Variants in SRGAP3 observed in about 807,000 individuals in gnomAD.
SRGAP3 encodes the protein SLIT-ROBO Rho GTPase-activating protein 3.
A neutral mutation model predicts 121.1 loss-of-function variants in SRGAP3; 39 were observed. That is an observed-to-expected ratio of 0.32 (90% CI 0.25 to 0.42). The LOEUF is 0.42. Among genes scored for constraint, SRGAP3 ranks in the 10% least tolerant of loss-of-function variants. SRGAP3 has a pLI of 1.00. For missense variants in SRGAP3, 1,213 were observed against 1,470.6 expected (o/e 0.82, Z 2.86); for synonymous variants, 601 against 570.0 (o/e 1.05, Z -0.77).
intron 3 of SRGAP3, chr3:9,257,007 GC>G: frequency 2.5e-6 from 1 of 396,552 alleles, no homozygotes; most frequent in African/African-American, 2.1e-5. Flanking sequence ...CCCAGTAAGT[GC>G]CACATAAGCA....
chr3:9,060,909 G>T (rs564922952), intron 5 of SRGAP3, among the ~76,000 whole-genome samples: 1 of 152,320 alleles, frequency 6.6e-6, no homozygotes, highest in East Asian at 1.9e-4. Context: ...TAGATGAGCA[G>T]CAGCCTCTGA....
intron 7 of SRGAP3, 138 bp from the exon 8 acceptor site, chr3:9,056,472 G>T (rs1945827892): frequency 3.4e-6 from 3 of 872,124 alleles, no homozygotes; most frequent in Non-Finnish European, 5.4e-6. Context: ...CCTGCTCAAG[G>T]TCACAGAGCT....
At chr3:9,173,662 T>A (rs1951067797) in intron 1 of SRGAP3, among the ~76,000 whole-genome samples, 1 of 152,050 alleles carries the variant, frequency 6.6e-6, no homozygotes, top group Non-Finnish European at 1.5e-5. Context: ...TTCACACATG[T>A]TGTTACTTCT....
At chr3:9,358,019 T>C (rs1254689599) in intron 1 of SRGAP3, among the ~76,000 whole-genome samples, 1 of 152,096 alleles carries the variant, frequency 6.6e-6, no homozygotes, top group Non-Finnish European at 1.5e-5. Flanking sequence ...GGATTAGAGA[T>C]GCACGCCACC....
intron 3 of SRGAP3, among the ~76,000 whole-genome samples, chr3:9,260,470 C>T (rs1177958253): frequency 6.6e-6 from 1 of 152,174 alleles, no homozygotes; most frequent in Non-Finnish European, 1.5e-5. Flanking sequence ...TGGGGAGGGG[C>T]GTCCGCCATT....
chr3:8,984,632 T>A lies in SRGAP3; in HGVS notation c.*887A>T, dbSNP rs1024597855. 8.6e-6 allele frequency: 2 copies of A among 232,362 alleles called. No homozygotes were observed. The highest frequency in any genetic ancestry group is 1.7e-5 in the Non-Finnish European group (2 of 117,520). The allele number at this position is 232,362 out of a possible 1,614,324, so 14.4% of individuals were successfully genotyped here. ...CCGTCTCTACACACAAACACAAGGA[T>A]GTGGTAGTCAGGGGTCTTCTCGCCA... On this transcript the variant is annotated 3_prime_UTR_variant, in exon 22 of 22. Coordinates refer to ENST00000383836, the MANE Select transcript of SRGAP3 (RefSeq NM_014850.4).
intron 10 of SRGAP3, 54 bp from the exon 11 acceptor site, chr3:9,038,144 G>C: frequency 6.2e-7 from 1 of 1,608,862 alleles, no homozygotes; most frequent in Non-Finnish European, 8.5e-7. Context: ...TTAATCCAAA[G>C]AACATTCATC....
At chr3:9,204,029 T>C (rs1212310431) in intron 1 of SRGAP3, among the ~76,000 whole-genome samples, 1 of 152,072 alleles carries the variant, frequency 6.6e-6, no homozygotes, top group Non-Finnish European at 1.5e-5. Context: ...CCGCTACAGT[T>C]TGACACCCTA....
At position 9,050,130 on chromosome 3, in the gene SRGAP3, C is replaced by T. The variant is rs151024354; in HGVS notation, c.1324-2655G>A. ...TTGGGATTACAGGCATGAGCCACTG[C>T]GCCTGGCTGAGAACCTGCATTTTTA... On this transcript the variant is annotated intron_variant, in intron 9 of 21. Coordinates refer to ENST00000383836, the MANE Select transcript of SRGAP3 (RefSeq NM_014850.4). 3.9e-5 allele frequency among the ~76,000 whole-genome samples: 6 copies of T among 152,300 alleles called. 1 individual carries two copies. The East Asian group carries it at 5.8e-4, about 15-fold the overall frequency.
intron 13 of SRGAP3, among the ~76,000 whole-genome samples, chr3:9,026,604 A>G (rs920046380): frequency 6.6e-6 from 1 of 152,204 alleles, no homozygotes; most frequent in South Asian, 2.1e-4. Context: ...ACCTTCATGG[A>G]GCTTATAATC....
intron 2 of SRGAP3, chr3:9,326,313 A>C (rs1231972665): frequency 6.6e-6 from 1 of 151,926 alleles, no homozygotes; most frequent in Non-Finnish European, 1.5e-5. Context: ...CATGCACTGA[A>C]AATGACAATT....
At chr3:9,205,898 T>C (rs1349694315) in intron 1 of SRGAP3, among the ~76,000 whole-genome samples, 2 of 152,194 alleles carry the variant, frequency 1.3e-5, no homozygotes, top group African/African-American at 4.8e-5. Context: ...AGTGTATGAT[T>C]CTACTCATAC....
intron 3 of SRGAP3, among the ~76,000 whole-genome samples, chr3:9,280,984 G>C (rs935955338): frequency 2.0e-5 from 3 of 151,918 alleles, no homozygotes; most frequent in Non-Finnish European, 2.9e-5. Context: ...GGTGGTGGGA[G>C]TCTTCCAGCA....
intron 3 of SRGAP3, 134 bp from the exon 4 acceptor site, chr3:9,080,221 T>C (rs949752059): frequency 1.7e-5 from 13 of 787,702 alleles, no homozygotes; most frequent in Admixed American, 1.1e-4. Flanking sequence ...ATAAATTTCA[T>C]TGATCTACAA....
chr3:9,206,485 C>CG (rs1223835057), intron 1 of SRGAP3, among the ~76,000 whole-genome samples: 22 of 152,234 alleles, frequency 1.4e-4, no homozygotes, highest in African/African-American at 5.3e-4. Context: ...ATCCCCCTGA[C>CG]TGTGCCACTG....
At chr3:9,231,976 T>C (rs1262939636) in intron 1 of SRGAP3, among the ~76,000 whole-genome samples, 1 of 152,172 alleles carries the variant, frequency 6.6e-6, no homozygotes. Context: ...CTCTGGCCAC[T>C]GCATCACGAT....
intron 1 of SRGAP3, among the ~76,000 whole-genome samples, chr3:9,229,593 T>C (rs1953126839): frequency 6.6e-6 from 1 of 152,162 alleles, no homozygotes; most frequent in African/African-American, 2.4e-5. Context: ...CATATCTCGC[T>C]AGAATCTCTT....
intron 18 of SRGAP3, among the ~76,000 whole-genome samples, chr3:9,009,623 G>T (rs1446696506): frequency 6.6e-6 from 1 of 152,082 alleles, no homozygotes; most frequent in African/African-American, 2.4e-5. Flanking sequence ...GTTGGCATAT[G>T]GTTCAGATTG....
intron 1 of SRGAP3, among the ~76,000 whole-genome samples, chr3:9,138,280 AC>A (rs76239454): frequency 2.0e-5 from 3 of 152,358 alleles, no homozygotes; most frequent in Non-Finnish European, 4.4e-5. Flanking sequence ...CATAAATGGA[AC>A]CCCCCCCACA....
Sources: gnomAD v4.1 joint callset for allele counts (sites outside exome capture counted in the v4.1 genomes callset) on GRCh38, gnomAD v4.1.1 for gene constraint, MANE v1.5 for transcripts, NCBI Gene and HGNC (gene_info 2026-07-23, HGNC 2026-07-21) for gene names.